Variants in PKIG observed in about 807,000 individuals in gnomAD.
The protein encoded by PKIG is protein kinase (cAMP-dependent, catalytic) inhibitor gamma.
Under a neutral mutation model 6.8 loss-of-function variants are expected in PKIG, and 1 was observed. That is an observed-to-expected ratio of 0.15 (90% CI 0.05 to 0.69). The LOEUF is 0.69. PKIG is among the 30% of genes least tolerant of loss of function. PKIG has a pLI of 0.82. For missense variants in PKIG, 77 were observed against 104.0 expected, an observed-to-expected ratio of 0.74 and a Z score of 1.13; for synonymous variants, 39 against 43.0, an observed-to-expected ratio of 0.91 and a Z score of 0.36.
chr20:44,611,115 C>T (rs1042635005), intron 2 of PKIG, among the ~76,000 whole-genome samples: 8 of 145,112 alleles, frequency 5.5e-5, no homozygotes, highest in Non-Finnish European at 8.9e-5. Context: ...AGTGCAGTGG[C>T]GTGATCTCAG....
chr20:44,533,482 G>C, intron 1 of PKIG, among the ~76,000 whole-genome samples: 1 of 152,206 alleles, frequency 6.6e-6, no homozygotes. Context: ...ATTGTGAAAG[G>C]GGGCGCATGT....
chr20:44,599,130 C>G (rs1326834323), intron 2 of PKIG, among the ~76,000 whole-genome samples: 1 of 152,184 alleles, frequency 6.6e-6, no homozygotes, highest in Non-Finnish European at 1.5e-5. Context: ...GACTTGCTTA[C>G]TTTCTTGCCC....
intron 2 of PKIG, among the ~76,000 whole-genome samples, chr20:44,602,517 GAATA>G (rs1268027080): frequency 6.6e-6 from 1 of 152,170 alleles, no homozygotes; most frequent in Non-Finnish European, 1.5e-5. Flanking sequence ...TACATTGAAT[GAATA>G]AATGAAATAT....
intron 2 of PKIG, among the ~76,000 whole-genome samples, chr20:44,597,371 A>G (rs1445920268): frequency 2.0e-5 from 3 of 152,042 alleles, no homozygotes; most frequent in Non-Finnish European, 4.4e-5. Context: ...GGGCTTATGA[A>G]CTGAGCTCCC....
At chr20:44,606,179 A>G (rs999750395) in intron 2 of PKIG, among the ~76,000 whole-genome samples, 3 of 152,208 alleles carry the variant, frequency 2.0e-5, no homozygotes, top group South Asian at 4.1e-4. Context: ...TAAGAAAAAG[A>G]CCTAAAATCC....
intron 1 of PKIG, among the ~76,000 whole-genome samples, chr20:44,564,962 C>T (rs2123261507): frequency 6.6e-6 from 1 of 152,288 alleles, no homozygotes. Context: ...CAGTAAAAAT[C>T]ATTAATAAAA....
chr20:44,542,590 T>C (rs559767421), intron 1 of PKIG, among the ~76,000 whole-genome samples: 7 of 152,090 alleles, frequency 4.6e-5, no homozygotes, highest in Admixed American at 1.3e-4. Flanking sequence ...TAATTTCTTT[T>C]ATAATATTTT....
At chr20:44,597,401 C>T (rs1003579995) in intron 2 of PKIG, among the ~76,000 whole-genome samples, 8 of 152,150 alleles carry the variant, frequency 5.3e-5, no homozygotes, top group Non-Finnish European at 7.3e-5. Flanking sequence ...CATGGACTTC[C>T]CTCAGGGGCA....
At chr20:44,568,954 T>C (rs796984557) in intron 1 of PKIG, among the ~76,000 whole-genome samples, 40 of 152,314 alleles carry the variant, frequency 2.6e-4, no homozygotes, top group African/African-American at 9.6e-4. Flanking sequence ...ACATCTATAG[T>C]GGTTTCTCTT....
chr20:44,547,510 T>C (rs2064626082), intron 1 of PKIG, among the ~76,000 whole-genome samples: 1 of 152,090 alleles, frequency 6.6e-6, no homozygotes, highest in Admixed American at 6.6e-5. Context: ...ACCTGCCTCA[T>C]AGGAGTTGTC....
At chr20:44,603,567 G>GA (rs1346723255) in intron 2 of PKIG, among the ~76,000 whole-genome samples, 1 of 152,136 alleles carries the variant, frequency 6.6e-6, no homozygotes, top group Admixed American at 6.5e-5. Context: ...GTGATGTGGG[G>GA]AAAAGAGCTC....
intron 1 of PKIG, among the ~76,000 whole-genome samples, chr20:44,548,075 A>G (rs2064632625): frequency 6.6e-6 from 1 of 152,072 alleles, no homozygotes; most frequent in South Asian, 2.1e-4. Context: ...GCTACTCAGG[A>G]TGCTGGGGCA....
At chr20:44,534,372 T>C (rs1008388815) in intron 1 of PKIG, among the ~76,000 whole-genome samples, 37 of 152,042 alleles carry the variant, frequency 2.4e-4, no homozygotes, top group Non-Finnish European at 8.8e-5. Flanking sequence ...CAAAAATAAA[T>C]AAAGGTATAA....
intron 1 of PKIG, among the ~76,000 whole-genome samples, chr20:44,544,319 C>G (rs536519579): frequency 2.0e-4 from 30 of 150,794 alleles, no homozygotes; most frequent in African/African-American, 7.0e-4. Context: ...TTTTTTTTTT[C>G]TATGAGTAGG....
intron 3 of PKIG, 124 bp from the exon 4 acceptor site, chr20:44,618,161 C>A: frequency 1.8e-6 from 1 of 545,750 alleles, no homozygotes; most frequent in South Asian, 2.4e-5. Context: ...CAGTCCAGCT[C>A]CAGCTCGTCT....
chr20:44,576,663 A>G (rs1297955640), intron 1 of PKIG, among the ~76,000 whole-genome samples: 1 of 152,178 alleles, frequency 6.6e-6, no homozygotes, highest in East Asian at 1.9e-4. Context: ...CCTCACCCCT[A>G]AAATGAGGAG....
Position 44,614,782 on chromosome 20 carries a change from C to T in PKIG, c.151+75C>T, listed in dbSNP as rs1420141669. The stretch of plus-strand genomic sequence containing the variant: ...CGGGCCCCGGGCTAGCCTCCAAGTC[C>T]TAGACTGCCCATACTTTCTTAGAGA... On this transcript the variant is annotated intron_variant, in intron 3 of 3. Transcript: ENST00000372886. This position sits in a 1 kb window ranked among gnomAD's most constrained non-coding sequence, Gnocchi z 4.6. 6.8e-7 allele frequency: 1 copy of T among 1,462,000 alleles called. No individual in the cohort carries two copies. Among genetic ancestry groups the T allele is most frequent in the Non-Finnish European group, 9.4e-7 (1 of 1,062,758 alleles). The allele number at this position is 1,462,000 out of a possible 1,614,324, so 90.6% of individuals were successfully genotyped here. A position where few individuals can be genotyped will look rare whatever the true frequency, so the allele number is the denominator to read the frequency against.
intron 1 of PKIG, among the ~76,000 whole-genome samples, chr20:44,571,390 T>C (rs1475337952): frequency 6.6e-6 from 1 of 152,180 alleles, no homozygotes; most frequent in Non-Finnish European, 1.5e-5. Flanking sequence ...AGGGACCTTC[T>C]AATGAGCTTT....
At chr20:44,543,844 C>T (rs2091746556) in intron 1 of PKIG, among the ~76,000 whole-genome samples, 2 of 152,210 alleles carry the variant, frequency 1.3e-5, no homozygotes, top group South Asian at 4.2e-4. Flanking sequence ...GGGTGGATCA[C>T]CTGAGGTCAG....
Sources: allele counts gnomAD v4.1 joint callset (sites outside exome capture counted in the v4.1 genomes callset), GRCh38; gene constraint gnomAD v4.1.1; non-coding constraint Gnocchi (gnomAD v3.1); transcripts MANE v1.5; gene names NCBI Gene and HGNC (gene_info 2026-07-23, HGNC 2026-07-21).